The following ABI2 variants were observed in gnomAD, a reference collection of about 807,000 sequenced individuals.
ABI2 encodes abelson interactor 2.
In ABI2, 25 loss-of-function variants were observed where a neutral mutation model predicts 59.2. That is an observed-to-expected ratio of 0.42 (90% confidence interval 0.31 to 0.59). The LOEUF (loss-of-function observed/expected upper bound fraction) is 0.59, where lower values mean the gene tolerates loss of function less well. ABI2 is among the 20% of genes least tolerant of loss of function. The pLI is 0.14. For synonymous variants in ABI2, 213 were observed against 235.5 expected (o/e 0.90, Z 0.87); for missense variants, 545 against 681.8 (o/e 0.80, Z 2.23).
At chr2:203,345,464 T>C (rs1186340345) in intron 1 of ABI2, among the ~76,000 whole-genome samples, 3 of 152,068 alleles carry the variant, frequency 2.0e-5, no homozygotes, top group African/African-American at 7.2e-5. Flanking sequence ...AAGGAACCAA[T>C]TCCGGACACA....
At chr2:203,378,279 A>AT (rs755186672) in intron 2 of ABI2, among the ~76,000 whole-genome samples, 3 of 151,806 alleles carry the variant, frequency 2.0e-5, no homozygotes, top group East Asian at 1.9e-4. Flanking sequence ...TGCCCGGCTA[A>AT]TTTTTGTATT....
In ABI2 at chr2:203,427,751, GCTA is replaced by G. The variant is rs2098452387; in HGVS notation, c.*400_*402del. 1 of 159,290 alleles carries G rather than the reference GCTA, an allele frequency of 6.3e-6. No homozygotes were observed. Among genetic ancestry groups the G allele is most frequent in the East Asian group, 1.8e-4 (1 of 5,616 alleles). The allele number at this position is 159,290 out of a possible 1,614,324, so 9.9% of individuals were successfully genotyped here. A position where few individuals can be genotyped will look rare whatever the true frequency, so the allele number is the denominator to read the frequency against. On this transcript the variant is annotated 3_prime_UTR_variant, in exon 12 of 12. Transcript: ENST00000261018. The stretch of plus-strand genomic sequence containing the variant: ...GCATTGGATGTTCTTCATTGCCTGT[GCTA>G]AGGGGTTAACCTCATGGCCCAGTGG...
chr2:203,409,315 A>G (rs1172719526), intron 9 of ABI2, among the ~76,000 whole-genome samples: 1 of 152,262 alleles, frequency 6.6e-6, no homozygotes, highest in South Asian at 2.1e-4. Flanking sequence ...AAAGGTACCA[A>G]TTTCTAGGGT....
intron 5 of ABI2, among the ~76,000 whole-genome samples, chr2:203,391,634 A>G (rs2096744113): frequency 6.6e-6 from 1 of 152,086 alleles, no homozygotes; most frequent in South Asian, 2.1e-4. Flanking sequence ...CAGCCTGGGC[A>G]ACATGGTGAA....
At chr2:203,380,504 G>A in intron 3 of ABI2, 120 bp downstream of exon 3, 1 of 574,626 alleles carries the variant, frequency 1.7e-6, no homozygotes, top group Non-Finnish European at 2.7e-6. Flanking sequence ...GCCCAGTTGT[G>A]GTTGTGAAGA....
At chr2:203,334,965 G>A (rs2075788322) in intron 1 of ABI2, among the ~76,000 whole-genome samples, 1 of 152,020 alleles carries the variant, frequency 6.6e-6, no homozygotes. Context: ...TGGCCTAGTT[G>A]TAGACTTTTG....
intron 1 of ABI2, among the ~76,000 whole-genome samples, chr2:203,353,926 ATATTTC>A (rs1327201954): frequency 2.6e-5 from 4 of 152,224 alleles, no homozygotes; most frequent in African/African-American, 9.6e-5. Context: ...TAGCTTTCTT[ATATTTC>A]TTCCTATCTT....
chr2:203,417,963 AAG>A (rs796555880), intron 11 of ABI2, among the ~76,000 whole-genome samples: 6 of 151,792 alleles, frequency 4.0e-5, no homozygotes, highest in African/African-American at 4.8e-5. Context: ...TATCTTTAAA[AAG>A]AGAGAGAGAG....
chr2:203,338,945 T>TATATATATATATATATATAA (rs2077953751), intron 1 of ABI2, among the ~76,000 whole-genome samples: 1 of 42,552 alleles, frequency 2.4e-5, no homozygotes, highest in African/African-American at 1.6e-4. Flanking sequence ...TATATATATA[T>TATATATATATATATATATAA]ATATATATAT....
At chr2:203,352,495 A>G (rs1008005998) in intron 1 of ABI2, among the ~76,000 whole-genome samples, 2 of 151,982 alleles carry the variant, frequency 1.3e-5, no homozygotes, top group African/African-American at 4.8e-5. Context: ...GAAGACAGTG[A>G]TATTGATGAT....
chr2:203,395,669 A>T lies in ABI2; in HGVS notation c.739A>T (p.Ser247Cys). The T allele has an allele frequency of 6.2e-7, 1 of 1,611,538 alleles. No homozygotes were observed. The highest frequency in any genetic ancestry group is 8.5e-7 in the Non-Finnish European group (1 of 1,178,904). The change falls in exon 7 of 12, where the codon AGT becomes TGT. Residue 247 changes from serine to cysteine, a missense_variant. By Grantham distance (112) the Ser-to-Cys change is moderately radical. Transcript: ENST00000261018. ...TTATTTCTTTAGCAGCAGTGGGAGTAGTGGAGGGAGCCACCCAAGTAGTCG... is the reference window on the plus strand; with the variant it reads ...TTATTTCTTTAGCAGCAGTGGGAGTTGTGGAGGGAGCCACCCAAGTAGTCG... ...RNRTYSSSGS[S>C]GGSHPSSRSS...
rs373588969 is a variant in ABI2, at chr2:203,417,901, CAT to C, written c.1453+821_1453+822del. Reference sequence around the variant, plus strand: ...CTTTATGTAGCTACTATAAATACCACATGTGATCAAGAAAGTAAAGGAGAACA... The same window carrying C: ...CTTTATGTAGCTACTATAAATACCACGTGATCAAGAAAGTAAAGGAGAACA... On this transcript the variant is annotated intron_variant, in intron 11 of 11. Coordinates refer to ENST00000261018, the MANE Select transcript of ABI2 (RefSeq NM_001375670.1). 7.1e-4 allele frequency among the ~76,000 whole-genome samples: 108 copies of C among 152,176 alleles called. 1 individual carries two copies. Among genetic ancestry groups the C allele is most frequent in the Middle Eastern group, 3.4e-3 (1 of 294 alleles).
intron 5 of ABI2, among the ~76,000 whole-genome samples, chr2:203,391,933 T>A (rs1201339164): frequency 3.3e-5 from 5 of 152,178 alleles, no homozygotes; most frequent in Non-Finnish European, 7.3e-5. Context: ...GACTTTTTTC[T>A]TCTAGAGCAT....
intron 4 of ABI2, among the ~76,000 whole-genome samples, chr2:203,383,521 C>G (rs2096267416): frequency 6.6e-6 from 1 of 152,140 alleles, no homozygotes; most frequent in South Asian, 2.1e-4. Flanking sequence ...CAGAAACACA[C>G]AGATTCTTTA....
chr2:203,375,023 A>C (rs1283189489), intron 2 of ABI2, among the ~76,000 whole-genome samples: 1 of 152,216 alleles, frequency 6.6e-6, no homozygotes, highest in African/African-American at 2.4e-5. Context: ...TCAGGCTTGC[A>C]AAGGAGCTGG....
chr2:203,366,564 A>C (rs942931102), intron 1 of ABI2, among the ~76,000 whole-genome samples: 3 of 152,196 alleles, frequency 2.0e-5, no homozygotes, highest in Non-Finnish European at 4.4e-5. Context: ...AATCAGTGCT[A>C]CCTTTCCAAG....
intron 1 of ABI2, among the ~76,000 whole-genome samples, chr2:203,334,325 C>G (rs1012177581): frequency 6.6e-6 from 1 of 151,550 alleles, no homozygotes; most frequent in Non-Finnish European, 1.5e-5. Flanking sequence ...CTTTTCTCAC[C>G]CAGAGAATAA....
intron 2 of ABI2, chr2:203,374,684 G>A (rs2095562210): frequency 2.8e-6 from 1 of 356,572 alleles, no homozygotes; most frequent in Non-Finnish European, 5.9e-6. Flanking sequence ...TTTGTTTTAT[G>A]AATGATACAT....
intron 2 of ABI2, among the ~76,000 whole-genome samples, chr2:203,376,598 T>C (rs1159263254): frequency 2.6e-5 from 4 of 152,214 alleles, no homozygotes; most frequent in African/African-American, 9.6e-5. Context: ...AATTGATATA[T>C]TTCCTCGTAA....
Sources: allele counts gnomAD v4.1 joint callset (sites outside exome capture counted in the v4.1 genomes callset), GRCh38; gene constraint gnomAD v4.1.1; transcripts MANE v1.5; gene names NCBI Gene and HGNC (gene_info 2026-07-23, HGNC 2026-07-21).